PCDHGB1: variants seen among roughly 807,000 people sequenced by gnomAD.
The protein encoded by PCDHGB1 is protocadherin gamma subfamily B, 1.
PCDHGB1 carries 34 observed loss-of-function variants against 56.6 expected under a neutral mutation model. The observed-to-expected ratio is 0.60, with a 90% CI of 0.46 to 0.80. The LOEUF (loss-of-function observed/expected upper bound fraction) is 0.80. Ranked by LOEUF, PCDHGB1 falls within the 30% of genes least tolerant of loss-of-function variation. The pLI is 0.00. For missense variants in PCDHGB1, 1,278 were observed against 1,204.6 expected (o/e 1.06, Z -0.90); for synonymous variants, 561 against 505.9 (o/e 1.11, Z -1.46).
intron 1 of PCDHGB1, among the ~76,000 whole-genome samples, chr5:141,460,807 A>G (rs2098998307): frequency 6.6e-6 from 1 of 151,962 alleles, no homozygotes; most frequent in Non-Finnish European, 1.5e-5. Context: ...ATATATATGT[A>G]TGTATACATA....
Position 141,476,373 on chromosome 5 carries a change from T to C in PCDHGB1, c.2410-18434T>C. 1 of 1,614,054 alleles carries C rather than the reference T, an allele frequency of 6.2e-7. No individual in the cohort carries two copies. Among genetic ancestry groups the C allele is most frequent in the Non-Finnish European group, 8.5e-7 (1 of 1,180,020 alleles). On this transcript the variant is annotated intron_variant, in intron 1 of 3. Transcript: ENST00000523390. This position sits in a 1 kb window ranked among gnomAD's most constrained non-coding sequence, Gnocchi z 7.6. ...GAGGTGAACCGGGAGACCGGAGAGA[T>C]GTTTGTGAACGACCGTCTGGATCGA...
intron 1 of PCDHGB1, chr5:141,395,711 G>A (rs2093302364): frequency 1.3e-5 from 2 of 154,440 alleles, no homozygotes; most frequent in African/African-American, 4.8e-5. Context: ...CCTGTAACTA[G>A]GCTCTTGTAG....
At chr5:141,412,922 A>G in intron 1 of PCDHGB1, 1 of 420,478 alleles carries the variant, frequency 2.4e-6, no homozygotes, top group Non-Finnish European at 4.2e-6. Flanking sequence ...ACTTGGGTGC[A>G]GTAACTTCTT....
At chr5:141,428,141 G>C (rs1314061143) in intron 1 of PCDHGB1, 2 of 1,596,500 alleles carry the variant, frequency 1.3e-6, no homozygotes, top group African/African-American at 2.7e-5. Context: ...GCCTGGGGCT[G>C]CACACGGGAA....
rs201279747 is a variant in PCDHGB1, at chr5:141,414,931, G to A, written c.2409+62262G>A. On this transcript the variant is annotated intron_variant, in intron 1 of 3. Coordinates refer to ENST00000523390, the MANE Select transcript of PCDHGB1 (RefSeq NM_018922.3). ...AGGCGTGGAGCTGGCGCCCCGCTCC[G>A]CAGAGCCCGGCTACCTGGTGACCAA... 123 of 1,614,120 alleles carry A rather than the reference G, an allele frequency of 7.6e-5. No homozygotes were observed. In the East Asian group the frequency reaches 2.5e-3, roughly 33 times the overall value.
intron 1 of PCDHGB1, among the ~76,000 whole-genome samples, chr5:141,430,380 TG>T (rs1376875091): frequency 6.8e-6 from 1 of 147,890 alleles, no homozygotes; most frequent in Non-Finnish European, 1.5e-5. Flanking sequence ...AAAAGCTCAT[TG>T]GGAAAAAAAA....
At position 141,476,675 on chromosome 5, in the gene PCDHGB1, C is replaced by T. The variant is rs2099395961; in HGVS notation, c.2410-18132C>T. On this transcript the variant is annotated intron_variant, in intron 1 of 3. Transcript: ENST00000523390. The surrounding 1 kb of genome is among the most constrained non-coding windows in gnomAD (Gnocchi z 7.6). ...ATACTTTGCGCTTCGCGTGCAGACG[C>T]GGGAGGACAGCACCAAGTACGCGGA... 1.2e-6 allele frequency: 2 copies of T among 1,614,124 alleles called. No homozygotes were observed. The highest frequency in any genetic ancestry group is 8.5e-7 in the Non-Finnish European group (1 of 1,180,062).
Position 141,490,924 on chromosome 5 carries a change from C to G in PCDHGB1, c.2410-3883C>G, listed in dbSNP as rs1469202824. The G allele has an allele frequency of 1.9e-6, 3 of 1,613,562 alleles. No individual in the cohort carries two copies. The highest frequency in any genetic ancestry group is 2.5e-6 in the Non-Finnish European group (3 of 1,179,702). ...TGTCCTAGACGAGAATGATAATGCC[C>G]CAGCTGTGCTGCACCCACGGCCAGA... On this transcript the variant is annotated intron_variant, in intron 1 of 3. Transcript: ENST00000523390. The surrounding 1 kb of genome is among the most constrained non-coding windows in gnomAD (Gnocchi z 5.4).
intron 1 of PCDHGB1, chr5:141,376,306 G>A (rs1772539310): frequency 6.2e-7 from 1 of 1,614,202 alleles, no homozygotes; most frequent in East Asian, 2.2e-5. Flanking sequence ...CGCACTTTGT[G>A]GGCGTGGAAG....
At chr5:141,430,985 G>T (rs773308629) in intron 1 of PCDHGB1, 4 of 1,613,780 alleles carry the variant, frequency 2.5e-6, no homozygotes, top group Non-Finnish European at 3.4e-6. Flanking sequence ...GCAGCTTTTC[G>T]CCCTGAATCC....
In PCDHGB1 at chr5:141,352,462, G is replaced by T. The variant is rs757771594; in HGVS notation, c.2202G>T (p.Gly734=). The T allele has an allele frequency of 1.2e-6, 2 of 1,613,998 alleles. No individual in the cohort carries two copies. Among genetic ancestry groups the T allele is most frequent in the East Asian group, 2.2e-5 (1 of 44,882 alleles). The change falls in exon 1 of 4, where the codon GGG becomes GGT. Residue 734 remains glycine, a synonymous_variant. Coordinates refer to ENST00000523390, the MANE Select transcript of PCDHGB1 (RefSeq NM_018922.3). ...GTCTCTGCTCCAAGTCTGGGCCCGG[G>T]GTTCCTCCCAACCACAGCGAGGGGA... ...QTGLCSKSGP[G]VPPNHSEGTL...
intron 1 of PCDHGB1, chr5:141,385,394 C>T: frequency 1.3e-5 from 19 of 1,499,976 alleles, no homozygotes; most frequent in Non-Finnish European, 1.7e-5. Context: ...TTTTGCAAAA[C>T]AAATGTTTTG....
intron 2 of PCDHGB1, among the ~76,000 whole-genome samples, chr5:141,497,543 T>C (rs896069181): frequency 4.7e-5 from 7 of 149,068 alleles, no homozygotes; most frequent in Non-Finnish European, 9.0e-5. Context: ...AACAAACCTT[T>C]TTTTTTTTTT....
At chr5:141,361,322 C>A (rs1475894704) in intron 1 of PCDHGB1, 1 of 1,613,960 alleles carries the variant, frequency 6.2e-7, no homozygotes. Flanking sequence ...ATTTTGAAAT[C>A]TTCCTCAAAG....
intron 1 of PCDHGB1, chr5:141,408,700 A>G (rs748315700): frequency 3.1e-6 from 5 of 1,613,470 alleles, no homozygotes; most frequent in Admixed American, 3.3e-5. Flanking sequence ...ACATAAACTC[A>G]ATTAAAGATT....
intron 1 of PCDHGB1, among the ~76,000 whole-genome samples, chr5:141,407,232 A>G (rs2094902362): frequency 6.6e-6 from 1 of 152,242 alleles, no homozygotes; most frequent in African/African-American, 2.4e-5. Flanking sequence ...CAAAAAAAAT[A>G]AAGCATACTT....
chr5:141,403,263 T>A, intron 1 of PCDHGB1: 1 of 1,613,872 alleles, frequency 6.2e-7, no homozygotes, highest in East Asian at 2.2e-5. Flanking sequence ...CGGTGTCTGG[T>A]GAACTTTAAA....
intron 1 of PCDHGB1, chr5:141,383,082 G>A: frequency 1.2e-6 from 2 of 1,613,934 alleles, no homozygotes; most frequent in African/African-American, 2.7e-5. Context: ...AGCTGGCGGA[G>A]CGCGGAGTCC....
chr5:141,440,008 C>G, intron 1 of PCDHGB1: 1 of 153,238 alleles, frequency 6.5e-6, no homozygotes. Context: ...GAAACCTTGC[C>G]AAGGATCTGG....
Sources: allele counts gnomAD v4.1 joint callset (sites outside exome capture counted in the v4.1 genomes callset), GRCh38; gene constraint gnomAD v4.1.1; non-coding constraint Gnocchi (gnomAD v3.1); transcripts MANE v1.5; gene names NCBI Gene and HGNC (gene_info 2026-07-23, HGNC 2026-07-21).